Variants in NPRL3 observed in about 807,000 individuals in gnomAD.
NPRL3 encodes the protein NPR3 like, GATOR1 complex subunit.
In NPRL3, 23 loss-of-function variants were observed where a neutral mutation model predicts 57.2. The ratio of observed to expected loss-of-function variants is 0.40; its 90% CI spans 0.29 to 0.57. The LOEUF (loss-of-function observed/expected upper bound fraction) is 0.57, where lower values mean the gene tolerates loss of function less well. Among genes scored for constraint, NPRL3 ranks in the 20% least tolerant of loss-of-function variants. NPRL3 has a pLI of 0.42. For missense variants in NPRL3, 691 were observed against 767.1 expected, an observed-to-expected ratio of 0.90 and a Z score of 1.17; for synonymous variants, 333 against 321.1, an observed-to-expected ratio of 1.04 and a Z score of -0.39.
At chr16:104,404 C>T (rs902933439) in intron 7 of NPRL3, among the ~76,000 whole-genome samples, 1 of 152,176 alleles carries the variant, frequency 6.6e-6, no homozygotes, top group African/African-American at 2.4e-5. Flanking sequence ...GCTTGGAACA[C>T]ACCTCATGGA....
At chr16:117,260 G>A in intron 5 of NPRL3, 41 bp downstream of exon 5, 1 of 1,388,966 alleles carries the variant, frequency 7.2e-7, no homozygotes, top group Non-Finnish European at 1.0e-6. Context: ...CTTCTCCACT[G>A]GCCCCACTCC....
chr16:119,049 C>T, intron 4 of NPRL3, 77 bp downstream of exon 4: 1 of 1,582,990 alleles, frequency 6.3e-7, no homozygotes, highest in Non-Finnish European at 8.6e-7. Context: ...GCCACACCTG[C>T]CCAAGGAGAG....
At chr16:117,279 A>G (rs1240362911) in intron 5 of NPRL3, 22 bp downstream of exon 5, 2 of 1,556,434 alleles carry the variant, frequency 1.3e-6, no homozygotes, top group African/African-American at 2.7e-5. Context: ...CCCTGATCTT[A>G]ACCATTTATA....
At chr16:96,674 T>C (rs961538207) in intron 9 of NPRL3, among the ~76,000 whole-genome samples, 2 of 139,654 alleles carry the variant, frequency 1.4e-5, no homozygotes, top group Non-Finnish European at 3.0e-5. Flanking sequence ...AAAAAAATAT[T>C]AGCCAGGCGC....
At chr16:96,774 G>A (rs1025190543) in intron 9 of NPRL3, among the ~76,000 whole-genome samples, 2 of 151,850 alleles carry the variant, frequency 1.3e-5, no homozygotes, top group African/African-American at 4.8e-5. Context: ...GACAGAGCAA[G>A]AACCTGTCTC....
chr16:86,963 C>T, intron 13 of NPRL3, 93 bp from the exon 14 acceptor site: 4 of 1,319,244 alleles, frequency 3.0e-6, no homozygotes, highest in Non-Finnish European at 4.2e-6. Flanking sequence ...TCTGAGCTGC[C>T]CACAGGCCTG....
rs1901042063 is a variant in NPRL3 at position 135,645 on chromosome 16, G to T, written c.118+2505C>A. ...AAAAAAAAAAAGACATAAACAGTCT[G>T]GAGGAAAATAAGGGAGTTTTTTATT... On this transcript the variant is annotated intron_variant, in intron 2 of 13. Transcript: ENST00000611875. 2.0e-5 allele frequency among the ~76,000 whole-genome samples: 3 copies of T among 150,050 alleles called. No homozygotes were observed. The South Asian group carries it at 6.3e-4, about 31-fold the overall frequency.
intron 11 of NPRL3, chr16:90,162 A>G (rs988442720): frequency 2.2e-6 from 1 of 461,298 alleles, no homozygotes; most frequent in African/African-American, 2.1e-5. Flanking sequence ...GGGGCCACCC[A>G]GCATCTGGCT....
chr16:95,342 T>TACACACACAC (rs1296717310), intron 9 of NPRL3, among the ~76,000 whole-genome samples: 6 of 55,620 alleles, frequency 1.1e-4, no homozygotes, highest in African/African-American at 2.5e-4. Context: ...TATATATATA[T>TACACACACAC]ATATATATAC....
intron 4 of NPRL3, 115 bp downstream of exon 4, chr16:119,011 C>T: frequency 2.0e-6 from 3 of 1,481,740 alleles, no homozygotes; most frequent in Non-Finnish European, 2.7e-6. Flanking sequence ...CACACCTGCC[C>T]AGGGGAAGCC....
intron 3 of NPRL3, chr16:127,092 G>C (rs969431341): frequency 6.6e-6 from 1 of 152,280 alleles, no homozygotes; most frequent in Non-Finnish European, 1.5e-5. Context: ...TGCTGGTCTC[G>C]AACTCCGGAG....
chr16:88,803 T>TTCAGTGG lies in NPRL3; in HGVS notation c.1438_1439insCCACTGA (p.Gln480ProfsTer17). ...GGCCAGCAGGTTCTCCGTCATCCTC[T>TTCAGTGG]GGTTCAGTGGCGAGTCCCCGCTGGG... On this transcript the variant is annotated frameshift_variant, in exon 13 of 14. Coordinates refer to ENST00000611875, the MANE Select transcript of NPRL3 (RefSeq NM_001077350.3). LOFTEE classifies it high-confidence loss of function. The TTCAGTGG allele has an allele frequency of 6.2e-7, 1 of 1,613,772 alleles. No individual in the cohort carries two copies. The highest frequency in any genetic ancestry group is 1.7e-5 in the Admixed American group (1 of 59,972).
At chr16:92,573 C>A (rs776403423) in intron 11 of NPRL3, 23 bp downstream of exon 11, 2 of 1,610,544 alleles carry the variant, frequency 1.2e-6, no homozygotes, top group East Asian at 4.5e-5. Context: ...CCACTCTGGG[C>A]TCCTTGAGCT....
intron 4 of NPRL3, 87 bp downstream of exon 4, chr16:119,039 G>C: frequency 1.3e-6 from 2 of 1,554,382 alleles, no homozygotes; most frequent in Non-Finnish European, 1.7e-6. Flanking sequence ...CCCAAGGAGA[G>C]CCACACCTGC....
intron 11 of NPRL3, 117 bp from the exon 12 acceptor site, chr16:90,019 C>G: frequency 8.4e-6 from 8 of 946,954 alleles, no homozygotes; most frequent in Middle Eastern, 2.2e-4. Flanking sequence ...GACGCACAGG[C>G]AGAAAGGCCC....
intron 3 of NPRL3, among the ~76,000 whole-genome samples, chr16:122,980 G>C (rs188849101): frequency 6.6e-6 from 1 of 152,216 alleles, no homozygotes; most frequent in Non-Finnish European, 1.5e-5. Context: ...TCCTGGACAA[G>C]CACCATATCA....
Position 119,121 on chromosome 16 carries a change from C to G in NPRL3, c.318+5G>C. 6.2e-7 allele frequency: 1 copy of G among 1,613,566 alleles called. No homozygotes were observed. Among genetic ancestry groups the G allele is most frequent in the Non-Finnish European group, 8.5e-7 (1 of 1,179,670 alleles). ...AGAGCCCCACCTGCCCAGGGAGAGCCATACCTGCCCCAGAGCATGCTGTAG... is the reference window on the plus strand; with the variant it reads ...AGAGCCCCACCTGCCCAGGGAGAGCGATACCTGCCCCAGAGCATGCTGTAG... On this transcript the variant is annotated splice_donor_5th_base_variant and intron_variant, in intron 4 of 13. Transcript: ENST00000611875.
chr16:136,061 C>T (rs1901059487), intron 2 of NPRL3, among the ~76,000 whole-genome samples: 1 of 152,168 alleles, frequency 6.6e-6, no homozygotes, highest in East Asian at 1.9e-4. Flanking sequence ...AAAAATCTAA[C>T]CTATTAAAAA....
At position 89,749 on chromosome 16, in the gene NPRL3, G is replaced by A. The variant is rs763320453; in HGVS notation, c.1315C>T (p.Leu439Phe). Reference protein sequence around the residue: ...PFTARVGGRSLSTPNALSFGS... With the variant: ...PFTARVGGRSFSTPNALSFGS... The stretch of plus-strand genomic sequence containing the variant: ...AAGCTGAGGGCGTTGGGCGTGCTGA[G>A]GCTGCGACCGCCGACCCGGGCAGTG... The change falls in exon 12 of 14, where the codon CTC becomes TTC. Residue 439 changes from leucine to phenylalanine, a missense_variant. Leu to Phe is a conservative substitution (Grantham distance 22, BLOSUM62 0). Coordinates refer to ENST00000611875, the MANE Select transcript of NPRL3 (RefSeq NM_001077350.3). 6 of 1,596,090 alleles carry A rather than the reference G, an allele frequency of 3.8e-6. No individual in the cohort carries two copies. In the Admixed American group the frequency reaches 5.2e-5, roughly 14 times the overall value.
Sources: gnomAD v4.1 joint callset for allele counts (sites outside exome capture counted in the v4.1 genomes callset) on GRCh38, gnomAD v4.1.1 for gene constraint, MANE v1.5 for transcripts, NCBI Gene and HGNC (gene_info 2026-07-23, HGNC 2026-07-21) for gene names.